The following FAT3 variants were observed in gnomAD, a reference collection of about 807,000 sequenced individuals.
The protein encoded by FAT3 is protocadherin Fat 3.
FAT3 carries 95 observed loss-of-function variants against 310.2 expected under a neutral mutation model. That is an observed-to-expected ratio of 0.31 (90% CI 0.26 to 0.36). The LOEUF is 0.36. Among genes scored for constraint, FAT3 ranks in the 10% least tolerant of loss-of-function variants. The pLI is 1.00. For missense variants in FAT3, 5,408 were observed against 5,715.6 expected (o/e 0.95, Z 1.74); for synonymous variants, 2,314 against 2,192.9 (o/e 1.06, Z -1.54).
chr11:92,412,651 A>G (rs1367695265), intron 2 of FAT3, among the ~76,000 whole-genome samples: 1 of 136,746 alleles, frequency 7.3e-6, no homozygotes, highest in Non-Finnish European at 1.6e-5. Flanking sequence ...CTGTAATTTT[A>G]TCTTCTTATG....
intron 4 of FAT3, among the ~76,000 whole-genome samples, chr11:92,736,044 C>T (rs1160543840): frequency 3.9e-5 from 6 of 152,110 alleles, no homozygotes; most frequent in Non-Finnish European, 1.5e-5. Context: ...GATCCAGAAG[C>T]AATGTTTTTC....
rs546436115 is a variant in FAT3 at position 92,554,322 on chromosome 11, C to T, written c.3607+29374C>T. Among the ~76,000 whole-genome samples, 63 of 151,572 alleles carry T rather than the reference C, an allele frequency of 4.2e-4. 1 individual carries two copies. Among genetic ancestry groups the T allele is most frequent in the African/African-American group, 9.4e-4 (39 of 41,374 alleles). On this transcript the variant is annotated intron_variant, in intron 3 of 27. Coordinates refer to ENST00000525166, the MANE Select transcript of FAT3 (RefSeq NM_001367949.2). ...CTAAAAATAGAAAAAATTAGCCAGG[C>T]GTGGTGGCAGGTGCCTGTAGTCACA...
intron 3 of FAT3, among the ~76,000 whole-genome samples, chr11:92,624,297 CAG>C (rs1447574498): frequency 6.6e-6 from 1 of 152,096 alleles, no homozygotes; most frequent in African/African-American, 2.4e-5. Flanking sequence ...TACATGAACA[CAG>C]AGATGGGTGA....
chr11:92,574,814 A>G (rs886836564), intron 3 of FAT3, among the ~76,000 whole-genome samples: 6 of 152,124 alleles, frequency 3.9e-5, no homozygotes, highest in African/African-American at 1.4e-4. Flanking sequence ...CAAGTATGTA[A>G]TATATATTTT....
At chr11:92,873,283 C>T (rs1476106481) in intron 22 of FAT3, among the ~76,000 whole-genome samples, 3 of 152,134 alleles carry the variant, frequency 2.0e-5, no homozygotes, top group African/African-American at 4.8e-5. Context: ...GTACCCAGTG[C>T]CTCACCACCA....
intron 13 of FAT3, among the ~76,000 whole-genome samples, chr11:92,819,753 A>G (rs2136232111): frequency 6.6e-6 from 1 of 152,240 alleles, no homozygotes; most frequent in East Asian, 1.9e-4. Context: ...AGTAGTGGTA[A>G]GTAGAGGCAG....
At chr11:92,771,722 C>A (rs1266794313) in intron 6 of FAT3, among the ~76,000 whole-genome samples, 1 of 146,560 alleles carries the variant, frequency 6.8e-6, no homozygotes, top group Non-Finnish European at 1.5e-5. Flanking sequence ...CATACACATA[C>A]AAATACATAT....
chr11:92,383,907 G>A (rs1949560314), intron 2 of FAT3, among the ~76,000 whole-genome samples: 2 of 152,032 alleles, frequency 1.3e-5, no homozygotes, highest in South Asian at 4.1e-4. Flanking sequence ...GATTTAATTT[G>A]GTGTGATATT....
chr11:92,331,527 C>T (rs1947924620), intron 1 of FAT3, among the ~76,000 whole-genome samples: 1 of 152,146 alleles, frequency 6.6e-6, no homozygotes. Context: ...ATTAAAGTGT[C>T]TGTCATGGGT....
chr11:92,479,186 T>A (rs1449013830), intron 2 of FAT3, among the ~76,000 whole-genome samples: 1 of 150,786 alleles, frequency 6.6e-6, no homozygotes, highest in Non-Finnish European at 1.5e-5. Flanking sequence ...TTTTTTGTAT[T>A]TTTTTGTAGC....
chr11:92,696,527 G>C (rs1168382997), intron 3 of FAT3, among the ~76,000 whole-genome samples: 1 of 152,038 alleles, frequency 6.6e-6, no homozygotes, highest in Non-Finnish European at 1.5e-5. Context: ...ATTTTTCTCT[G>C]TTCCTCCATT....
chr11:92,883,117 G>A lies in FAT3; in HGVS notation c.12661G>A (p.Val4221Ile), dbSNP rs749339528. The A allele has an allele frequency of 4.3e-6, 7 of 1,613,684 alleles. No homozygotes were observed. The highest frequency in any genetic ancestry group is 1.7e-5 in the Admixed American group (1 of 60,014). ...NLRGSGDGRN[V>I]YQEVGPPQVP... ...GCGCGGCAGTGGGGACGGCCGCAAC[G>A]TCTACCAGGAGGTGGGGCCCCCGCA... Residue 4221 changes from valine (V) to isoleucine (I), a missense_variant, in exon 24 of 28, where the codon GTC becomes ATC. By Grantham distance (29) the Val-to-Ile change is conservative. Around this residue, in one of 5 missense-constraint regions of FAT3, gnomAD observed 649 missense variants for 666.2 expected, o/e 0.97. Coordinates refer to ENST00000525166, the MANE Select transcript of FAT3 (RefSeq NM_001367949.2). This position sits in a 1 kb window ranked among gnomAD's most constrained non-coding sequence, Gnocchi z 4.2.
chr11:92,363,054 C>A (rs575370956), intron 2 of FAT3, among the ~76,000 whole-genome samples: 11 of 152,142 alleles, frequency 7.2e-5, no homozygotes, highest in Non-Finnish European at 1.5e-4. Context: ...AGGGGTTTGG[C>A]CGATGGTAGG....
In FAT3 at chr11:92,799,488, C is replaced by T. The variant is rs1591749812; in HGVS notation, c.6475C>T (p.Leu2159=). Reference sequence around the variant, plus strand: ...CAACATTGAGTATGGAGTCACCATCCTAGCCAAGGATGGCGGAAAACCTTC... The same window carrying T: ...CAACATTGAGTATGGAGTCACCATCTTAGCCAAGGATGGCGGAAAACCTTC... ...LSNIEYGVTI[L]AKDGGKPSLS... Residue 2159 remains leucine (L), a synonymous_variant, in exon 10 of 28, where the codon CTA becomes TTA. Coordinates refer to ENST00000525166, the MANE Select transcript of FAT3 (RefSeq NM_001367949.2). The T allele has an allele frequency of 6.2e-7, 1 of 1,613,670 alleles. No individual in the cohort carries two copies. The highest frequency in any genetic ancestry group is 8.5e-7 in the Non-Finnish European group (1 of 1,179,776).
chr11:92,543,550 T>C (rs949212226), intron 3 of FAT3, among the ~76,000 whole-genome samples: 1 of 152,194 alleles, frequency 6.6e-6, no homozygotes, highest in South Asian at 2.1e-4. Flanking sequence ...AGCCAATCAT[T>C]GTTTTAATAG....
chr11:92,661,651 C>T (rs1173116441), intron 3 of FAT3, among the ~76,000 whole-genome samples: 1 of 151,780 alleles, frequency 6.6e-6, no homozygotes, highest in African/African-American at 2.4e-5. Context: ...TAAATGGTCC[C>T]GTTTCTACCG....
intron 2 of FAT3, among the ~76,000 whole-genome samples, chr11:92,434,870 G>A (rs117489522): frequency 0.012 from 1,836 of 152,234 alleles, 16 homozygotes; most frequent in Non-Finnish European, 0.019. Context: ...CCTCATATAT[G>A]AAATTTCAGT....
chr11:92,853,793 T>C (rs2136314033), intron 19 of FAT3, among the ~76,000 whole-genome samples: 1 of 152,180 alleles, frequency 6.6e-6, no homozygotes, highest in South Asian at 2.1e-4. Context: ...TTTTATGGGC[T>C]CAGAAGAGAG....
chr11:92,409,649 G>T (rs1367548111), intron 2 of FAT3, among the ~76,000 whole-genome samples: 1 of 152,150 alleles, frequency 6.6e-6, no homozygotes, highest in Non-Finnish European at 1.5e-5. Context: ...CCCAGTCCTT[G>T]TATTTGGTAT....
Sources: gnomAD v4.1 joint callset for allele counts (sites outside exome capture counted in the v4.1 genomes callset) on GRCh38, gnomAD v4.1.1 for gene constraint, gnomAD v4.1.1 regional missense constraint, Gnocchi (gnomAD v3.1) non-coding constraint, MANE v1.5 for transcripts, NCBI Gene and HGNC (gene_info 2026-07-23, HGNC 2026-07-21) for gene names.